The following LINGO2 variants were observed in gnomAD, a reference collection of about 807,000 sequenced individuals.
LINGO2 encodes leucine rich repeat and Ig domain containing 2.
In LINGO2, 14 loss-of-function variants were observed where a neutral mutation model predicts 30.6. The ratio of observed to expected loss-of-function variants is 0.46; its 90% CI spans 0.30 to 0.72. LINGO2 has a LOEUF of 0.72. LINGO2 is among the 30% of genes least tolerant of loss of function. The pLI is 0.07. For missense variants in LINGO2, 729 were observed against 751.7 expected, an observed-to-expected ratio of 0.97 and a Z score of 0.35; for synonymous variants, 317 against 288.5, an observed-to-expected ratio of 1.10 and a Z score of -1.00.
the LINGO2 span, among the ~76,000 whole-genome samples, chr9:29,036,315 T>C: frequency 4.6e-5 from 7 of 152,200 alleles, no homozygotes; most frequent in African/African-American, 1.7e-4. Flanking sequence ...AACACTCCTA[T>C]GAAATTTGTG....
chr9:28,219,343 T>C (rs943480112), intron 4 of LINGO2, among the ~76,000 whole-genome samples: 4 of 152,184 alleles, frequency 2.6e-5, no homozygotes, highest in African/African-American at 4.8e-5. Flanking sequence ...AAAATGGGGC[T>C]TCTTGTTCAG....
intron 5 of LINGO2, among the ~76,000 whole-genome samples, chr9:27,980,715 G>C (rs1200280822): frequency 6.6e-6 from 1 of 151,882 alleles, no homozygotes; most frequent in Non-Finnish European, 1.5e-5. Context: ...CACATGGTTT[G>C]ATTTCATAAG....
At chr9:28,334,157 C>T (rs1444338252) in intron 3 of LINGO2, among the ~76,000 whole-genome samples, 2 of 152,042 alleles carry the variant, frequency 1.3e-5, no homozygotes, top group African/African-American at 2.4e-5. Context: ...TGGACACATA[C>T]ATGTTACCTA....
the LINGO2 span, among the ~76,000 whole-genome samples, chr9:28,693,170 C>T: frequency 6.6e-6 from 1 of 152,022 alleles, no homozygotes; most frequent in Non-Finnish European, 1.5e-5. Flanking sequence ...CAAGCGTCAA[C>T]GTTGTGTTGA....
the LINGO2 span, among the ~76,000 whole-genome samples, chr9:29,158,488 G>A: frequency 6.6e-6 from 1 of 152,204 alleles, no homozygotes; most frequent in Non-Finnish European, 1.5e-5. Context: ...TCAGCAGACT[G>A]GAGAAAAGGT....
the LINGO2 span, among the ~76,000 whole-genome samples, chr9:28,868,619 C>T: frequency 1.3e-5 from 2 of 152,066 alleles, no homozygotes; most frequent in East Asian, 3.9e-4. Flanking sequence ...AAATGAGTGC[C>T]CCTTTGGAAA....
chr9:28,533,568 TCA>T (rs1436449305), intron 1 of LINGO2, among the ~76,000 whole-genome samples: 2 of 152,178 alleles, frequency 1.3e-5, no homozygotes, highest in Non-Finnish European at 2.9e-5. Flanking sequence ...GTCAAGATTC[TCA>T]AACTTAGGTT....
chr9:28,284,762 CT>C (rs1195444956), intron 4 of LINGO2, among the ~76,000 whole-genome samples: 3 of 152,052 alleles, frequency 2.0e-5, no homozygotes, highest in African/African-American at 4.8e-5. Flanking sequence ...CATTTAGTTG[CT>C]TTTAATGCAT....
At position 28,268,180 on chromosome 9, in the gene LINGO2, G is replaced by T. The variant is rs542629444; in HGVS notation, c.-87+27028C>A. 1.5e-3 allele frequency among the ~76,000 whole-genome samples: 221 copies of T among 152,096 alleles called. 2 individuals are homozygous for T. The highest frequency in any genetic ancestry group is 5.1e-3 in the African/African-American group (211 of 41,518). ...AAAACTAGGTAGCTTTTGAAGATGT[G>T]CTCTTGATTTTCTGTAGCCATTCCT... On this transcript the variant is annotated intron_variant, in intron 4 of 5. Transcript: ENST00000379992.
intron 1 of LINGO2, among the ~76,000 whole-genome samples, chr9:28,564,156 T>C (rs926851671): frequency 1.1e-4 from 17 of 152,012 alleles, no homozygotes; most frequent in Admixed American, 9.8e-4. Flanking sequence ...AAAAGTAAAA[T>C]AACAAAATAA....
the LINGO2 span, among the ~76,000 whole-genome samples, chr9:29,007,566 C>G: frequency 6.6e-6 from 1 of 152,008 alleles, no homozygotes; most frequent in African/African-American, 2.4e-5. Flanking sequence ...GCCTTTTTTT[C>G]TGGAACCCTG....
intron 4 of LINGO2, among the ~76,000 whole-genome samples, chr9:28,240,018 G>C (rs112870026): frequency 1.3e-5 from 2 of 151,940 alleles, no homozygotes; most frequent in Admixed American, 1.3e-4. Flanking sequence ...AAATTAAAAA[G>C]TAATTCCATT....
chr9:28,735,637 T>C, the LINGO2 span, among the ~76,000 whole-genome samples: 1 of 152,164 alleles, frequency 6.6e-6, no homozygotes, highest in Non-Finnish European at 1.5e-5. Context: ...CATTTTTATA[T>C]GTAAATATCT....
intron 4 of LINGO2, among the ~76,000 whole-genome samples, chr9:28,203,403 G>A (rs937303378): frequency 6.6e-6 from 1 of 152,304 alleles, no homozygotes; most frequent in Middle Eastern, 3.4e-3. Flanking sequence ...TAGCTGCAGT[G>A]CCTCCTCTTA....
At chr9:27,960,496 A>G (rs977745971) in intron 5 of LINGO2, among the ~76,000 whole-genome samples, 1 of 152,106 alleles carries the variant, frequency 6.6e-6, no homozygotes, top group Admixed American at 6.6e-5. Flanking sequence ...TTCACAGTAT[A>G]GCTTTCTGCT....
intron 4 of LINGO2, among the ~76,000 whole-genome samples, chr9:28,245,359 T>C (rs1821959282): frequency 6.6e-6 from 1 of 152,128 alleles, no homozygotes; most frequent in South Asian, 2.1e-4. Flanking sequence ...CTAAATGGGC[T>C]AAAGCTGGAA....
At chr9:28,142,824 T>C (rs1276664091) in intron 4 of LINGO2, among the ~76,000 whole-genome samples, 1 of 152,194 alleles carries the variant, frequency 6.6e-6, no homozygotes, top group African/African-American at 2.4e-5. Context: ...CCTCTACTAT[T>C]ATTTTTGTTT....
chr9:28,380,584 A>G (rs1027865775), intron 2 of LINGO2, among the ~76,000 whole-genome samples: 6 of 152,028 alleles, frequency 3.9e-5, no homozygotes, highest in Admixed American at 3.3e-4. Context: ...GGAGTGAGGA[A>G]GTACAGTATA....
chr9:28,042,118 C>T (rs190340311), intron 4 of LINGO2, among the ~76,000 whole-genome samples: 25 of 152,272 alleles, frequency 1.6e-4, no homozygotes, highest in Admixed American at 5.9e-4. Flanking sequence ...GTATAAAGCA[C>T]GAAGCTTAGT....
Sources: gnomAD v4.1 joint callset for allele counts (sites outside exome capture counted in the v4.1 genomes callset) on GRCh38, gnomAD v4.1.1 for gene constraint, MANE v1.5 for transcripts, NCBI Gene and HGNC (gene_info 2026-07-23, HGNC 2026-07-21) for gene names.